The following MGAT4C variants were observed in gnomAD, a reference collection of about 807,000 sequenced individuals.
The protein encoded by MGAT4C is alpha-1,3-mannosyl-glycoprotein 4-beta-N-acetylglucosaminyltransferase C.
A neutral mutation model predicts 40.1 loss-of-function variants in MGAT4C; 19 were observed. The ratio of observed to expected loss-of-function variants is 0.47; its 90% CI spans 0.33 to 0.70. MGAT4C has a LOEUF of 0.70. Among genes scored for constraint, MGAT4C ranks in the 30% least tolerant of loss-of-function variants. The pLI is 0.02. For missense variants in MGAT4C, 491 were observed against 563.2 expected (o/e 0.87, Z 1.30); for synonymous variants, 181 against 187.1 (o/e 0.97, Z 0.27).
intron 2 of MGAT4C, among the ~76,000 whole-genome samples, chr12:86,546,797 T>G (rs911882365): frequency 6.6e-6 from 1 of 152,012 alleles, no homozygotes; most frequent in Non-Finnish European, 1.5e-5. Context: ...AAATAATGTG[T>G]GGGGATAGTC....
chr12:86,118,611 A>G (rs1421268708), intron 1 of MGAT4C, among the ~76,000 whole-genome samples: 1 of 152,178 alleles, frequency 6.6e-6, no homozygotes, highest in Non-Finnish European at 1.5e-5. Context: ...CTGAATGCCA[A>G]AACTGAGCCA....
intron 2 of MGAT4C, among the ~76,000 whole-genome samples, chr12:86,589,937 A>G (rs898620074): frequency 2.6e-5 from 4 of 151,966 alleles, no homozygotes; most frequent in African/African-American, 9.7e-5. Context: ...TCTGCGTTTC[A>G]TTATTCAAAT....
chr12:86,379,723 A>G lies in MGAT4C; in HGVS notation c.-119-45596T>C, dbSNP rs144629754. Among the ~76,000 whole-genome samples the G allele has an allele frequency of 3.6e-3, 552 of 152,274 alleles. 2 individuals carry two copies. Among genetic ancestry groups the G allele is most frequent in the African/African-American group, 0.012 (495 of 41,570 alleles). The stretch of plus-strand genomic sequence containing the variant: ...ATATAGATAACAATTAATTAAAATT[A>G]TACTTTCAGTCATAATCTAAGGCTT... On this transcript the variant is annotated intron_variant, in intron 3 of 7. Transcript: ENST00000548651.
rs77291748 is a variant in MGAT4C, at chr12:86,573,056, G to A, written c.-228-137791C>T. Among the ~76,000 whole-genome samples the A allele has an allele frequency of 5.9e-5, 9 of 151,266 alleles. No individual in the cohort carries two copies. In the East Asian group the frequency reaches 9.7e-4, roughly 16 times the overall value. On this transcript the variant is annotated intron_variant, in intron 2 of 7. Coordinates refer to the MGAT4C transcript ENST00000548651. Reference sequence around the variant, plus strand: ...CATGTCTGTTTTTTTTTCCTCCAGCGTACTTTCAAACCCTATTAAAGCAAA... The same window carrying A: ...CATGTCTGTTTTTTTTTCCTCCAGCATACTTTCAAACCCTATTAAAGCAAA...
intron 2 of MGAT4C, among the ~76,000 whole-genome samples, chr12:86,493,738 G>A (rs991279051): frequency 1.3e-5 from 2 of 151,804 alleles, no homozygotes; most frequent in African/African-American, 2.4e-5. Flanking sequence ...CATGGCACAT[G>A]TATACATATG....
chr12:86,669,179 C>T (rs1309192722), intron 2 of MGAT4C, among the ~76,000 whole-genome samples: 1 of 151,912 alleles, frequency 6.6e-6, no homozygotes. Flanking sequence ...TTGAGTTGCC[C>T]CACCCTTCCT....
intron 2 of MGAT4C, among the ~76,000 whole-genome samples, chr12:86,450,059 G>A (rs1454165553): frequency 1.3e-5 from 2 of 151,974 alleles, no homozygotes; most frequent in Non-Finnish European, 2.9e-5. Flanking sequence ...GTGTTGCTTT[G>A]AACATTGTAT....
intron 2 of MGAT4C, among the ~76,000 whole-genome samples, chr12:86,516,033 C>A (rs1171498234): frequency 2.0e-5 from 3 of 152,046 alleles, no homozygotes; most frequent in African/African-American, 7.2e-5. Flanking sequence ...TGTGAGCCAT[C>A]GCGCCCGGCC....
chr12:86,072,324 T>A (rs1479607894), intron 1 of MGAT4C, among the ~76,000 whole-genome samples: 1 of 152,104 alleles, frequency 6.6e-6, no homozygotes, highest in African/African-American at 2.4e-5. Flanking sequence ...CCTAAATTTT[T>A]TTTGTTAGCT....
intron 4 of MGAT4C, among the ~76,000 whole-genome samples, chr12:86,326,548 G>T (rs187734225): frequency 6.6e-6 from 1 of 151,978 alleles, no homozygotes; most frequent in African/African-American, 2.4e-5. Context: ...TTAATAAAAT[G>T]GTAATATTTT....
intron 1 of MGAT4C, among the ~76,000 whole-genome samples, chr12:86,232,130 CT>C (rs1951347753): frequency 7.8e-6 from 1 of 128,346 alleles, no homozygotes; most frequent in South Asian, 2.4e-4. Context: ...GCGAGACTCT[CT>C]TCCAAAAAAG....
intron 3 of MGAT4C, among the ~76,000 whole-genome samples, chr12:86,377,942 T>A (rs1446857475): frequency 6.6e-6 from 1 of 152,214 alleles, no homozygotes; most frequent in African/African-American, 2.4e-5. Flanking sequence ...ATACTTTATA[T>A]AAGTTGAATC....
At chr12:86,257,010 T>A (rs1030876380), upstream of MGAT4C, among the ~76,000 whole-genome samples, 1 of 152,232 alleles carries the variant, frequency 6.6e-6, no homozygotes, top group African/African-American at 2.4e-5. Flanking sequence ...GTTTATTACA[T>A]GATATTACAT....
At chr12:86,059,973 A>T (rs1290332637) in intron 1 of MGAT4C, among the ~76,000 whole-genome samples, 1 of 152,232 alleles carries the variant, frequency 6.6e-6, no homozygotes, top group Non-Finnish European at 1.5e-5. Context: ...GATTAAGAAA[A>T]GACAGCATTT....
At chr12:86,255,887 T>C (rs150429160) in intron 1 of MGAT4C, among the ~76,000 whole-genome samples, 1 of 152,254 alleles carries the variant, frequency 6.6e-6, no homozygotes, top group East Asian at 1.9e-4. Context: ...CACTATTCTT[T>C]AATACTAATA....
chr12:86,596,311 A>G (rs1468759897), intron 2 of MGAT4C, among the ~76,000 whole-genome samples: 1 of 152,226 alleles, frequency 6.6e-6, no homozygotes, highest in Non-Finnish European at 1.5e-5. Flanking sequence ...TCATCTTCAG[A>G]CCCAGAAAAA....
chr12:86,304,528 T>C (rs567704250), intron 4 of MGAT4C, among the ~76,000 whole-genome samples: 6 of 150,734 alleles, frequency 4.0e-5, no homozygotes, highest in Non-Finnish European at 8.8e-5. Flanking sequence ...ATGACCAAGC[T>C]TTTAATCATG....
chr12:86,219,783 C>T (rs1014192994), intron 1 of MGAT4C, among the ~76,000 whole-genome samples: 1 of 152,186 alleles, frequency 6.6e-6, no homozygotes, highest in Non-Finnish European at 1.5e-5. Flanking sequence ...TGCCGGAAAA[C>T]ATAAATTGAC....
intron 1 of MGAT4C, among the ~76,000 whole-genome samples, chr12:86,153,207 T>G (rs1593087074): frequency 6.6e-6 from 1 of 152,176 alleles, no homozygotes; most frequent in South Asian, 2.1e-4. Flanking sequence ...AACAAGTACA[T>G]GGCCTCTAAT....
Sources: gnomAD v4.1 joint callset for allele counts (sites outside exome capture counted in the v4.1 genomes callset) on GRCh38, gnomAD v4.1.1 for gene constraint, MANE v1.5 for transcripts, NCBI Gene and HGNC (gene_info 2026-07-23, HGNC 2026-07-21) for gene names.